Variants in GPR89B observed in about 807,000 individuals in gnomAD.
GPR89B encodes the protein G protein-coupled receptor 89B.
GPR89B carries 25 observed loss-of-function variants against 52.4 expected under a neutral mutation model. That is an observed-to-expected ratio of 0.48 (90% CI 0.35 to 0.67). GPR89B has a LOEUF of 0.67. Ranked by LOEUF, GPR89B falls within the 30% of genes least tolerant of loss-of-function variation. GPR89B has a pLI of 0.01. For synonymous variants in GPR89B, 52 were observed against 151.2 expected, an observed-to-expected ratio of 0.34 and a Z score of 4.81; for missense variants, 146 against 450.2, an observed-to-expected ratio of 0.32 and a Z score of 6.11.
chr1:147,986,984 A>C (rs1658713804), intron 11 of GPR89B, among the ~76,000 whole-genome samples: 1 of 150,734 alleles, frequency 6.6e-6, no homozygotes, highest in Non-Finnish European at 1.5e-5. Flanking sequence ...AGTGTAGGCC[A>C]TTTAGCTGTG....
intron 1 of GPR89B, 44 bp from the exon 2 acceptor site, chr1:147,936,583 C>T (rs1654108438): frequency 6.7e-7 from 1 of 1,502,870 alleles, no homozygotes; most frequent in South Asian, 1.2e-5. Flanking sequence ...AAACATTTCT[C>T]AAAAGAAAAT....
downstream of GPR89B, chr1:147,994,216 C>T (rs1317237886): frequency 2.4e-5 from 38 of 1,596,612 alleles, no homozygotes; most frequent in East Asian, 5.9e-4. Context: ...GTAAACAGGT[C>T]GCAACTCATT....
At chr1:147,970,494 T>TCTCTCTCTCTCTCCCTCC (rs1657349904) in intron 10 of GPR89B, among the ~76,000 whole-genome samples, 27 of 110,382 alleles carry the variant, frequency 2.4e-4, no homozygotes, top group Middle Eastern at 4.0e-3. Context: ...AGACTCCATC[T>TCTCTCTCTCTCTCCCTCC]CTCTCTCTCT....
chr1:147,985,438 TGTTTA>T (rs1658595539), intron 10 of GPR89B, among the ~76,000 whole-genome samples: 1 of 151,962 alleles, frequency 6.6e-6, no homozygotes, highest in Non-Finnish European at 1.5e-5. Context: ...TTCATTGACA[TGTTTA>T]GACCAAGGAT....
intron 1 of GPR89B, among the ~76,000 whole-genome samples, chr1:147,935,211 C>T (rs1653977728): frequency 6.7e-6 from 1 of 149,882 alleles, no homozygotes; most frequent in South Asian, 2.1e-4. Flanking sequence ...GAGAGAAGTT[C>T]CTTTCAGAGG....
At chr1:148,013,715 C>T in the GPR89B span, among the ~76,000 whole-genome samples, 1 of 152,006 alleles carries the variant, frequency 6.6e-6, no homozygotes, top group Non-Finnish European at 1.5e-5. Flanking sequence ...CCAAGAGAAG[C>T]AGCAAGGGAA....
chr1:147,938,171 C>T, intron 2 of GPR89B, among the ~76,000 whole-genome samples: 1 of 152,160 alleles, frequency 6.6e-6, no homozygotes, highest in Non-Finnish European at 1.5e-5. Context: ...CTAGACTCGA[C>T]ATTTCCTAAT....
chr1:147,949,246 A>G (rs1263105081), intron 5 of GPR89B, among the ~76,000 whole-genome samples: 1 of 151,762 alleles, frequency 6.6e-6, no homozygotes. Context: ...CGCCATTGTC[A>G]TCATGGCCCG....
chr1:147,940,199 C>T (rs1442649232), intron 3 of GPR89B, among the ~76,000 whole-genome samples: 1 of 151,930 alleles, frequency 6.6e-6, no homozygotes, highest in Non-Finnish European at 1.5e-5. Flanking sequence ...GTCAGGAGAT[C>T]AAGACCATCC....
Position 147,993,480 on chromosome 1 carries a change from G to C in GPR89B, c.*563G>C, listed in dbSNP as rs1323870412. ...CCAAGAGGTTATCTGTTCTTTTCCG[G>C]GAAAGGGGTGGTATGCACCTGAAAT... On this transcript the variant is annotated 3_prime_UTR_variant, in exon 14 of 14. Transcript: ENST00000314163. The C allele has an allele frequency of 5.6e-6, 1 of 178,472 alleles. No individual in the cohort carries two copies. The highest frequency in any genetic ancestry group is 1.2e-5 in the Non-Finnish European group (1 of 83,356). The allele number at this position is 178,472 out of a possible 1,614,324, so 11.1% of individuals were successfully genotyped here. A position where few individuals can be genotyped will look rare whatever the true frequency, so the allele number is the denominator to read the frequency against.
chr1:147,970,559 C>CTATCTCTA, intron 10 of GPR89B, among the ~76,000 whole-genome samples: 1 of 133,116 alleles, frequency 7.5e-6, no homozygotes, highest in South Asian at 2.3e-4. Flanking sequence ...CTCTCTATCT[C>CTATCTCTA]TCTCTCTCTC....
chr1:148,007,137 G>A, the GPR89B span, among the ~76,000 whole-genome samples: 11 of 136,794 alleles, frequency 8.0e-5, no homozygotes, highest in South Asian at 2.4e-4. Context: ...GTGCAGTGGC[G>A]CAATCTGAGC....
intron 7 of GPR89B, among the ~76,000 whole-genome samples, chr1:147,962,000 T>C (rs1176228448): frequency 1.3e-5 from 2 of 151,948 alleles, no homozygotes. Context: ...GAATAGTTAA[T>C]ACAATTTTTA....
At chr1:147,962,694 CAA>C (rs1293288459) in intron 7 of GPR89B, among the ~76,000 whole-genome samples, 2 of 151,584 alleles carry the variant, frequency 1.3e-5, no homozygotes, top group Non-Finnish European at 2.9e-5. Context: ...GTCAGGAGTT[CAA>C]GACTAGACCG....
chr1:148,009,840 A>G, the GPR89B span, among the ~76,000 whole-genome samples: 4 of 152,090 alleles, frequency 2.6e-5, no homozygotes, highest in Non-Finnish European at 5.9e-5. Context: ...GGGTTCTTAC[A>G]AGACTGGTCC....
At chr1:148,019,460 G>A in the GPR89B span, among the ~76,000 whole-genome samples, 2 of 151,926 alleles carry the variant, frequency 1.3e-5, no homozygotes, top group African/African-American at 4.9e-5. Flanking sequence ...ATCAGAAAGA[G>A]TAGCTAATGG....
intron 10 of GPR89B, among the ~76,000 whole-genome samples, chr1:147,985,669 A>C (rs1296022650): frequency 2.0e-5 from 3 of 151,676 alleles, no homozygotes; most frequent in Non-Finnish European, 4.4e-5. Flanking sequence ...ATTTTAAACC[A>C]CTGTGTTGCT....
downstream of GPR89B, chr1:147,994,501 A>G: frequency 1.8e-6 from 1 of 561,114 alleles, no homozygotes; most frequent in Non-Finnish European, 3.3e-6. Context: ...GCAATTGTGT[A>G]GAGCTGATAA....
At chr1:148,001,737 A>G in the GPR89B span, among the ~76,000 whole-genome samples, 2 of 150,910 alleles carry the variant, frequency 1.3e-5, no homozygotes, top group African/African-American at 2.4e-5. Context: ...GCAATTAACA[A>G]TGAAGGGGTC....
Sources: gnomAD v4.1 joint callset for allele counts (sites outside exome capture counted in the v4.1 genomes callset) on GRCh38, gnomAD v4.1.1 for gene constraint, MANE v1.5 for transcripts, NCBI Gene and HGNC (gene_info 2026-07-23, HGNC 2026-07-21) for gene names.